The following ABCC6 variants were observed in gnomAD, a reference collection of about 807,000 sequenced individuals.
The protein encoded by ABCC6 is ATP binding cassette subfamily C member 6, also known as ATP-binding cassette sub-family C member 6.
In ABCC6, 126 loss-of-function variants were observed where a neutral mutation model predicts 169.5. The ratio of observed to expected loss-of-function variants is 0.74; its 90% CI spans 0.64 to 0.86. The LOEUF is 0.86. Ranked by LOEUF, ABCC6 falls within the 40% of genes least tolerant of loss-of-function variation. The pLI, the probability that ABCC6 is intolerant of heterozygous loss-of-function variation, is 0.00. For missense variants in ABCC6, 1,733 were observed against 1,927.2 expected (o/e 0.90, Z 1.89); for synonymous variants, 752 against 814.7 (o/e 0.92, Z 1.31).
chr16:16,178,326 C>CA (rs35724767), intron 18 of ABCC6, among the ~76,000 whole-genome samples: 11,762 of 146,096 alleles, frequency 0.081, 533 homozygotes, highest in East Asian at 0.24. Flanking sequence ...GACTCCATCT[C>CA]AAAAAAAAAA....
chr16:16,157,603 T>C, intron 27 of ABCC6, 60 bp downstream of exon 27: 1 of 1,607,302 alleles, frequency 6.2e-7, no homozygotes, highest in Non-Finnish European at 8.5e-7. Flanking sequence ...TTTAGGGCCT[T>C]GTCCCTGGAG....
intron 20 of ABCC6, among the ~76,000 whole-genome samples, chr16:16,174,778 C>A (rs1295226570): frequency 1.4e-5 from 2 of 139,768 alleles, no homozygotes; most frequent in African/African-American, 2.7e-5. Flanking sequence ...CCGCAAAAAA[C>A]AAAAAACCTC....
At chr16:16,172,146 T>G (rs2047116253) in intron 21 of ABCC6, among the ~76,000 whole-genome samples, 1 of 111,562 alleles carries the variant, frequency 9.0e-6, no homozygotes, top group African/African-American at 3.5e-5. Context: ...GATGCATAAA[T>G]GAGTGAGTGG....
intron 17 of ABCC6, 82 bp from the exon 18 acceptor site, chr16:16,179,047 A>G: frequency 6.9e-7 from 1 of 1,444,108 alleles, no homozygotes; most frequent in South Asian, 1.2e-5. Flanking sequence ...AGGTCAGGGC[A>G]CACCTGCCCA....
chr16:16,193,843 C>T (rs189981806), intron 10 of ABCC6, among the ~76,000 whole-genome samples: 5 of 152,202 alleles, frequency 3.3e-5, no homozygotes, highest in African/African-American at 9.6e-5. Context: ...CTGCAGACCC[C>T]GAAGGTGGTC....
intron 22 of ABCC6, among the ~76,000 whole-genome samples, chr16:16,167,864 C>T (rs2046926443): frequency 6.6e-6 from 1 of 152,250 alleles, no homozygotes; most frequent in East Asian, 1.9e-4. Context: ...GTAAGACTTG[C>T]CCTTAGCTAT....
Position 16,163,026 on chromosome 16 carries a change from T to C in ABCC6, c.3473A>G (p.Gln1158Arg), listed in dbSNP as rs2046769982. 1 of 1,613,972 alleles carries C rather than the reference T, an allele frequency of 6.2e-7. No individual in the cohort carries two copies. The highest frequency in any genetic ancestry group is 1.1e-5 in the South Asian group (1 of 91,092). ...CACCAGTCGCGGGAAACTGATCCTC[T>C]GGCTTTCATCTACGCGAGCATTGTT... Reference protein sequence around the residue: ...AQNNARVDESQRISFPRLVAD... With the variant: ...AQNNARVDESRRISFPRLVAD... Residue 1158 changes from glutamine (Q) to arginine (R), a missense_variant, in exon 24 of 31, where the codon CAG becomes CGG. Around this residue, in one of 5 missense-constraint regions of ABCC6, gnomAD observed 1,601 missense variants for 1,635.5 expected, o/e 0.98. Coordinates refer to ENST00000205557, the MANE Select transcript of ABCC6 (RefSeq NM_001171.6).
intron 4 of ABCC6, among the ~76,000 whole-genome samples, chr16:16,216,703 C>T (rs1329375787): frequency 1.4e-5 from 2 of 138,908 alleles, no homozygotes; most frequent in East Asian, 2.1e-4. Flanking sequence ...TGCTTGTGTT[C>T]GGGCGTGTGA....
At chr16:16,214,871 A>G (rs999079706) in intron 4 of ABCC6, among the ~76,000 whole-genome samples, 13 of 152,102 alleles carry the variant, frequency 8.5e-5, no homozygotes, top group Non-Finnish European at 1.8e-4. Flanking sequence ...TGGCCTCCCA[A>G]AGTGTTGGGA....
chr16:16,190,452 C>G lies in ABCC6; in HGVS notation c.1432-85G>C, dbSNP rs1448358565. ...CCCTGACAGCCACCCTTCAGCAAAT[C>G]CCATTCATCTCACCAAACTGCGTCC... On this transcript the variant is annotated intron_variant, in intron 11 of 30. Transcript: ENST00000205557. 9.5e-6 allele frequency: 14 copies of G among 1,475,560 alleles called. No individual in the cohort carries two copies. In the African/African-American group the frequency reaches 1.2e-4, roughly 13 times the overall value. 91.4% of individuals were successfully genotyped at this position (1,475,560 alleles called of 1,614,324 possible).
chr16:16,194,917 T>C (rs1257403711), intron 10 of ABCC6, among the ~76,000 whole-genome samples: 1 of 152,114 alleles, frequency 6.6e-6, no homozygotes, highest in East Asian at 1.9e-4. Flanking sequence ...TGGCCTCAAG[T>C]GATCCACCCA....
At chr16:16,159,905 C>T (rs868593424) in intron 25 of ABCC6, among the ~76,000 whole-genome samples, 2 of 152,242 alleles carry the variant, frequency 1.3e-5, no homozygotes, top group Middle Eastern at 6.8e-3. Flanking sequence ...ACAGCAGGAC[C>T]CAGGCCCACT....
At chr16:16,151,268 G>A (rs74950025) in intron 29 of ABCC6, among the ~76,000 whole-genome samples, 10,005 of 152,136 alleles carry the variant, frequency 0.066, 474 homozygotes, top group Non-Finnish European at 0.1. Flanking sequence ...CACCATGTTG[G>A]TCCGACTTGT....
intron 2 of ABCC6, 157 bp downstream of exon 2, chr16:16,221,492 G>A (rs2049071868): frequency 6.8e-7 from 1 of 1,469,078 alleles, no homozygotes. Context: ...CCACTGAGTT[G>A]ACCTCTGTAG....
intron 29 of ABCC6, 49 bp downstream of exon 29, chr16:16,154,579 T>C (rs1567464864): frequency 1.2e-6 from 2 of 1,609,592 alleles, no homozygotes; most frequent in Non-Finnish European, 1.7e-6. Context: ...GGCATGGCCA[T>C]CCCCTCCTCT....
chr16:16,202,216 AG>A (rs2048263313), intron 8 of ABCC6, 38 bp from the exon 9 acceptor site: 1 of 1,581,302 alleles, frequency 6.3e-7, no homozygotes, highest in African/African-American at 1.4e-5. Context: ...AGCTGGTGAG[AG>A]GAGGTGCCTA....
At chr16:16,155,053 G>A (rs757903672) in intron 27 of ABCC6, 22 bp from the exon 28 acceptor site, 1 of 1,546,552 alleles carries the variant, frequency 6.5e-7, no homozygotes, top group Non-Finnish European at 8.7e-7. Context: ...TGGGAGGAAA[G>A]GCCTGCTCTG....
At chr16:16,198,995 G>GA (rs2048150458) in intron 9 of ABCC6, among the ~76,000 whole-genome samples, 1 of 54,344 alleles carries the variant, frequency 1.8e-5, no homozygotes, top group African/African-American at 5.3e-5. Context: ...ATCCATTTCG[G>GA]GGGGGAAAAA....
At chr16:16,210,117 TC>T (rs1470905886) in intron 6 of ABCC6, among the ~76,000 whole-genome samples, 2 of 151,982 alleles carry the variant, frequency 1.3e-5, no homozygotes, top group East Asian at 1.9e-4. Context: ...CTTACCAAGT[TC>T]CCTTTTCTTT....
Sources: gnomAD v4.1 joint callset for allele counts (sites outside exome capture counted in the v4.1 genomes callset) on GRCh38, gnomAD v4.1.1 for gene constraint, gnomAD v4.1.1 regional missense constraint, MANE v1.5 for transcripts, NCBI Gene and HGNC (gene_info 2026-07-23, HGNC 2026-07-21) for gene names.